The following TBL1XR1 variants were observed in gnomAD, a reference collection of about 807,000 sequenced individuals.
TBL1XR1 encodes TBL1X/Y related 1.
In TBL1XR1, 5 loss-of-function variants were observed where a neutral mutation model predicts 66.9. The observed-to-expected ratio is 0.07, with a 90% CI of 0.04 to 0.16. The LOEUF is 0.16. Ranked by LOEUF, TBL1XR1 falls within the 10% of genes least tolerant of loss-of-function variation. TBL1XR1 has a pLI of 1.00. For synonymous variants in TBL1XR1, 210 were observed against 206.0 expected (o/e 1.02, Z -0.17); for missense variants, 238 against 623.2 (o/e 0.38, Z 6.58).
intron 3 of TBL1XR1, among the ~76,000 whole-genome samples, chr3:177,060,527 A>T (rs1476835087): frequency 6.6e-6 from 1 of 152,208 alleles, no homozygotes; most frequent in Non-Finnish European, 1.5e-5. Context: ...AGTATCAAGA[A>T]TTCTTTCCCT....
At chr3:177,136,433 C>G (rs1416722235) in intron 1 of TBL1XR1, among the ~76,000 whole-genome samples, 2 of 152,126 alleles carry the variant, frequency 1.3e-5, no homozygotes, top group Admixed American at 1.3e-4. Flanking sequence ...GCGCCAGCCA[C>G]TACACCCAGC....
intron 5 of TBL1XR1, among the ~76,000 whole-genome samples, 200 bp from the exon 6 acceptor site, chr3:177,050,810 C>T (rs1182042805): frequency 1.9e-5 from 2 of 107,536 alleles, no homozygotes; most frequent in South Asian, 3.2e-4. Flanking sequence ...GTATTGACCA[C>T]ATACTTTTTT....
intron 1 of TBL1XR1, among the ~76,000 whole-genome samples, chr3:177,171,729 T>G (rs1273737089): frequency 9.7e-6 from 1 of 102,708 alleles, no homozygotes; most frequent in African/African-American, 3.5e-5. Context: ...AAAAAAAAAG[T>G]TTGCTGTGAT....
chr3:177,053,949 A>C, intron 3 of TBL1XR1, 31 bp from the exon 4 acceptor site: 1 of 1,586,900 alleles, frequency 6.3e-7, no homozygotes, highest in Admixed American at 1.8e-5. Flanking sequence ...ATGAGAATTT[A>C]TTTTCCTAGT....
chr3:177,182,211 A>AC (rs1463072487), intron 1 of TBL1XR1, among the ~76,000 whole-genome samples: 3 of 151,856 alleles, frequency 2.0e-5, no homozygotes, highest in Admixed American at 2.0e-4. Flanking sequence ...ACATAGTGAG[A>AC]CCCCCATCTC....
chr3:177,080,536 A>G (rs950342499), intron 2 of TBL1XR1, among the ~76,000 whole-genome samples: 3 of 152,154 alleles, frequency 2.0e-5, no homozygotes, highest in Non-Finnish European at 2.9e-5. Flanking sequence ...TAATGAGCAT[A>G]TTTTCCCTAC....
At chr3:177,135,710 A>G (rs968373775) in intron 1 of TBL1XR1, among the ~76,000 whole-genome samples, 1 of 152,030 alleles carries the variant, frequency 6.6e-6, no homozygotes, top group African/African-American at 2.4e-5. Context: ...AGTGATCACA[A>G]CCAAGCTAAC....
intron 1 of TBL1XR1, among the ~76,000 whole-genome samples, chr3:177,111,633 C>G (rs934406687): frequency 4.6e-5 from 7 of 152,078 alleles, no homozygotes; most frequent in Non-Finnish European, 8.8e-5. Context: ...CTGGACATAT[C>G]TTCCAGGGCA....
chr3:177,038,555 A>G, intron 10 of TBL1XR1, 121 bp from the exon 11 acceptor site: 5 of 963,300 alleles, frequency 5.2e-6, no homozygotes, highest in Non-Finnish European at 7.0e-6. Context: ...ATTTTACTTT[A>G]TACTTTTTAA....
intron 10 of TBL1XR1, among the ~76,000 whole-genome samples, chr3:177,044,623 A>C (rs988202271): frequency 6.6e-6 from 1 of 152,190 alleles, no homozygotes; most frequent in African/African-American, 2.4e-5. Flanking sequence ...AAATATATCA[A>C]ATGGTTCAAG....
intron 1 of TBL1XR1, among the ~76,000 whole-genome samples, chr3:177,162,583 G>A (rs10936931): frequency 0.5 from 75,791 of 152,010 alleles, 19,728 homozygotes; most frequent in Non-Finnish European, 0.57. Flanking sequence ...CTTGACTGGG[G>A]TGGGTTACAT....
intron 2 of TBL1XR1, among the ~76,000 whole-genome samples, chr3:177,080,338 C>T (rs1721243173): frequency 6.6e-6 from 1 of 152,048 alleles, no homozygotes; most frequent in Admixed American, 6.6e-5. Flanking sequence ...CCAGACTGCC[C>T]AAGTAAATCT....
chr3:177,197,966 T>G (rs1163424280), upstream of TBL1XR1, among the ~76,000 whole-genome samples: 1 of 150,372 alleles, frequency 6.7e-6, no homozygotes, highest in African/African-American at 2.4e-5. Context: ...GCCGGCGAAG[T>G]TTCCCCAAGG....
intron 1 of TBL1XR1, among the ~76,000 whole-genome samples, chr3:177,182,577 A>G (rs1486748171): frequency 6.6e-6 from 1 of 152,196 alleles, no homozygotes. Flanking sequence ...GAAAGGCTAA[A>G]GAGTGCCAGG....
At chr3:177,172,745 G>GT (rs1733718950) in intron 1 of TBL1XR1, among the ~76,000 whole-genome samples, 2 of 151,740 alleles carry the variant, frequency 1.3e-5, no homozygotes, top group South Asian at 4.2e-4. Context: ...CCAAGCCATA[G>GT]TAAGTATTGC....
At chr3:177,145,638 C>T (rs964082927) in intron 1 of TBL1XR1, among the ~76,000 whole-genome samples, 2 of 152,210 alleles carry the variant, frequency 1.3e-5, no homozygotes, top group African/African-American at 4.8e-5. Context: ...AACACCCAGA[C>T]CTTTCTGGGA....
intron 2 of TBL1XR1, among the ~76,000 whole-genome samples, chr3:177,072,820 T>C (rs1238681253): frequency 1.3e-5 from 2 of 152,232 alleles, no homozygotes; most frequent in Admixed American, 1.3e-4. Context: ...TCCCAACACT[T>C]TGAGAAGCCG....
intron 1 of TBL1XR1, among the ~76,000 whole-genome samples, chr3:177,187,166 CA>C (rs11369670): frequency 5.7e-4 from 77 of 134,758 alleles, no homozygotes; most frequent in East Asian, 1.5e-3. Flanking sequence ...GACTCTGTCT[CA>C]AAAAAAAAAA....
At chr3:177,185,036 TAA>T (rs565866234) in intron 1 of TBL1XR1, among the ~76,000 whole-genome samples, 160 of 152,264 alleles carry the variant, frequency 1.1e-3, no homozygotes, top group African/African-American at 3.6e-3. Flanking sequence ...TCCAAAGAAA[TAA>T]AGTTTTTAAA....
Sources: gnomAD v4.1 joint callset for allele counts (sites outside exome capture counted in the v4.1 genomes callset) on GRCh38, gnomAD v4.1.1 for gene constraint, MANE v1.5 for transcripts, NCBI Gene and HGNC (gene_info 2026-07-23, HGNC 2026-07-21) for gene names.